The following RPSA2 variants were observed in gnomAD, a reference collection of about 807,000 sequenced individuals.
The protein encoded by RPSA2 is small ribosomal subunit protein uS2B.
chr19:23,832,095 C>A, the RPSA2 span: 6 of 452,484 alleles, frequency 1.3e-5, no homozygotes, highest in East Asian at 6.0e-5. Flanking sequence ...AACACTCAAC[C>A]CTTACTACAC....
At chr19:23,820,171 T>A in the RPSA2 span, among the ~76,000 whole-genome samples, 1 of 152,188 alleles carries the variant, frequency 6.6e-6, no homozygotes, top group East Asian at 1.9e-4. Context: ...AGGGTCCTGG[T>A]GGGCCCCTGT....
the RPSA2 span, among the ~76,000 whole-genome samples, chr19:23,804,588 TC>T: frequency 2.0e-5 from 3 of 152,138 alleles, no homozygotes; most frequent in Non-Finnish European, 2.9e-5. Flanking sequence ...AGCCACCGCG[TC>T]CGGCCTGTGC....
At chr19:23,824,957 G>GTTTGT in the RPSA2 span, among the ~76,000 whole-genome samples, 1 of 150,662 alleles carries the variant, frequency 6.6e-6, no homozygotes, top group Non-Finnish European at 1.5e-5. Flanking sequence ...CTAATAAGTT[G>GTTTGT]TTTGTTTTGT....
chr19:23,856,716 A>G, the RPSA2 span, among the ~76,000 whole-genome samples: 4 of 152,118 alleles, frequency 2.6e-5, no homozygotes, highest in Admixed American at 2.6e-4. Flanking sequence ...CAAAGGTAGG[A>G]ATTTTACAGC....
At chr19:23,850,241 ATAAG>A in the RPSA2 span, among the ~76,000 whole-genome samples, 1 of 149,038 alleles carries the variant, frequency 6.7e-6, no homozygotes, top group Non-Finnish European at 1.5e-5. Flanking sequence ...CCTAATAAGA[ATAAG>A]TATGTGTAGC....
chr19:23,797,934 A>G, the RPSA2 span, among the ~76,000 whole-genome samples: 1 of 152,224 alleles, frequency 6.6e-6, no homozygotes, highest in African/African-American at 2.4e-5. Flanking sequence ...GTCCACATAA[A>G]AATAAGAGAA....
At chr19:23,811,128 C>T in the RPSA2 span, among the ~76,000 whole-genome samples, 1 of 151,432 alleles carries the variant, frequency 6.6e-6, no homozygotes, top group Non-Finnish European at 1.5e-5. Flanking sequence ...AAGTGATTCT[C>T]CTGCCTCAGC....
the RPSA2 span, among the ~76,000 whole-genome samples, chr19:23,765,474 T>G: frequency 3.4e-4 from 51 of 152,114 alleles, no homozygotes; most frequent in Admixed American, 1.1e-3. Flanking sequence ...AAAATGAGAT[T>G]ATGTCCATTG....
At chr19:23,761,934 T>TCTCTCTCTCTCTCTC in the RPSA2 span, among the ~76,000 whole-genome samples, 2 of 129,888 alleles carry the variant, frequency 1.5e-5, no homozygotes, top group African/African-American at 6.9e-5. Context: ...TTTTTTTTTT[T>TCTCTCTCTCTCTCTC]TGAGATGGAG....
At chr19:23,830,234 T>A in the RPSA2 span, among the ~76,000 whole-genome samples, 1 of 152,178 alleles carries the variant, frequency 6.6e-6, no homozygotes, top group African/African-American at 2.4e-5. Flanking sequence ...AACCTCCACT[T>A]CCCAGGTTCA....
chr19:23,761,915 T>TC, the RPSA2 span, among the ~76,000 whole-genome samples: 2 of 21,638 alleles, frequency 9.2e-5, no homozygotes, highest in African/African-American at 1.4e-4. Flanking sequence ...TTTCTTTCTT[T>TC]CTTTCTTTTT....
At chr19:23,811,494 A>G in the RPSA2 span, among the ~76,000 whole-genome samples, 1 of 146,766 alleles carries the variant, frequency 6.8e-6, no homozygotes, top group Non-Finnish European at 1.5e-5. Context: ...TCTTGCTGTC[A>G]GGGGATAAGC....
At chr19:23,823,139 C>G in the RPSA2 span, among the ~76,000 whole-genome samples, 1 of 152,190 alleles carries the variant, frequency 6.6e-6, no homozygotes, top group East Asian at 1.9e-4. Flanking sequence ...TTGTATTTCA[C>G]AGAGAGTTCT....
the RPSA2 span, among the ~76,000 whole-genome samples, chr19:23,820,238 A>G: frequency 1.4e-4 from 22 of 152,186 alleles, no homozygotes; most frequent in Admixed American, 1.3e-3. Flanking sequence ...ATGTGATGGC[A>G]GTGAGCCGTG....
chr19:23,789,023 C>CTTTTTTTTTTT, the RPSA2 span, among the ~76,000 whole-genome samples: 1 of 129,418 alleles, frequency 7.7e-6, no homozygotes. Context: ...TTCTTTCTTT[C>CTTTTTTTTTTT]TTTTTTTTTT....
chr19:23,823,609 G>T, the RPSA2 span: 3 of 152,266 alleles, frequency 2.0e-5, no homozygotes, highest in South Asian at 6.2e-4. Flanking sequence ...AGTCACTTGG[G>T]GTGTAAGTTT....
the RPSA2 span, chr19:23,827,023 T>C: frequency 1.5e-6 from 1 of 667,698 alleles, no homozygotes; most frequent in Non-Finnish European, 2.7e-6. Flanking sequence ...ATCTACTGAA[T>C]GATTTATTGA....
At chr19:23,833,720 A>G in the RPSA2 span, among the ~76,000 whole-genome samples, 1,654 of 152,284 alleles carry the variant, frequency 0.011, 31 homozygotes, top group African/African-American at 0.038. Context: ...AAATAAAAGC[A>G]TAAAAGTGTA....
At chr19:23,833,989 ACAC>A in the RPSA2 span, among the ~76,000 whole-genome samples, 15 of 152,092 alleles carry the variant, frequency 9.9e-5, no homozygotes, top group Non-Finnish European at 1.6e-4. Flanking sequence ...AAATTATAAA[ACAC>A]CAAAGAGTTT....
Sources: allele counts gnomAD v4.1 joint callset (sites outside exome capture counted in the v4.1 genomes callset), GRCh38; gene constraint gnomAD v4.1.1; transcripts MANE v1.5; gene names NCBI Gene and HGNC (gene_info 2026-07-23, HGNC 2026-07-21).